The following ERICH2 variants were observed in gnomAD, a reference collection of about 807,000 sequenced individuals.
The protein encoded by ERICH2 is glutamate rich 2, also known as glutamate-rich protein 2.
ERICH2 carries 17 observed loss-of-function variants against 17.4 expected under a neutral mutation model. That is an observed-to-expected ratio of 0.98 (90% CI 0.67 to 1.47). ERICH2 has a LOEUF of 1.47. ERICH2 is among the 40% of genes most tolerant of loss of function. The probability of loss-of-function intolerance (pLI) is 0.00; values close to 1 mark genes in which losing one functional copy is unlikely to be tolerated. For synonymous variants in ERICH2, 51 were observed against 61.1 expected (o/e 0.83, Z 0.77); for missense variants, 186 against 183.2 (o/e 1.01, Z -0.09).
At chr2:170,780,225 G>A (rs914940844), upstream of ERICH2, among the ~76,000 whole-genome samples, 1 of 152,140 alleles carries the variant, frequency 6.6e-6, no homozygotes, top group African/African-American at 2.4e-5. Context: ...ATCTGTTAGA[G>A]TATACTGGTT....
chr2:170,791,915 T>A (rs1367571930), intron 2 of ERICH2, among the ~76,000 whole-genome samples: 1 of 152,120 alleles, frequency 6.6e-6, no homozygotes, highest in Non-Finnish European at 1.5e-5. Flanking sequence ...TGGAAGTATA[T>A]GAGAAGGGTC....
the ERICH2 span, chr2:170,777,373 T>G: frequency 1.8e-6 from 2 of 1,120,144 alleles, no homozygotes; most frequent in Non-Finnish European, 2.2e-6. Flanking sequence ...TGCTTCTATT[T>G]TAGACAGCAA....
the ERICH2 span, among the ~76,000 whole-genome samples, chr2:170,775,425 CTG>C: frequency 6.6e-6 from 1 of 151,898 alleles, no homozygotes; most frequent in Admixed American, 6.6e-5. Flanking sequence ...GAGCGAGACT[CTG>C]TCTCAAAATA....
the ERICH2 span, chr2:170,777,977 C>G: frequency 3.3e-6 from 1 of 306,410 alleles, no homozygotes; most frequent in Non-Finnish European, 5.9e-6. Context: ...TTGCTCATTC[C>G]TATTTCCCTT....
chr2:170,797,738 G>A (rs1182367911), intron 3 of ERICH2, among the ~76,000 whole-genome samples: 2 of 150,392 alleles, frequency 1.3e-5, no homozygotes, highest in Admixed American at 6.7e-5. Flanking sequence ...GCTGCAGTGA[G>A]CCAAGATCAT....
the ERICH2 span, among the ~76,000 whole-genome samples, chr2:170,776,655 G>C: frequency 1.3e-5 from 2 of 152,162 alleles, no homozygotes; most frequent in African/African-American, 4.8e-5. Flanking sequence ...TGAGATTACA[G>C]GCTTGAGCCA....
At chr2:170,779,981 T>G, upstream of ERICH2, 1 of 393,070 alleles carries the variant, frequency 2.5e-6, no homozygotes, top group Non-Finnish European at 3.5e-6. Context: ...CTGAAAGAAT[T>G]ATTTCAGTAG....
At chr2:170,775,209 T>C in the ERICH2 span, among the ~76,000 whole-genome samples, 1 of 151,722 alleles carries the variant, frequency 6.6e-6, no homozygotes, top group Non-Finnish European at 1.5e-5. Flanking sequence ...GGAGGATCGC[T>C]TAAGAGCCAG....
chr2:170,770,680 G>A, the ERICH2 span: 1 of 155,352 alleles, frequency 6.4e-6, no homozygotes, highest in East Asian at 1.9e-4. Context: ...TTAGAATCAG[G>A]TATGGACACC....
chr2:170,796,440 G>GTTGAT (rs1701422271), intron 3 of ERICH2, among the ~76,000 whole-genome samples: 1 of 83,452 alleles, frequency 1.2e-5, no homozygotes, highest in African/African-American at 3.7e-5. Flanking sequence ...TTTTTTTTTT[G>GTTGAT]TTTTTTTTTT....
At chr2:170,798,183 C>A (rs17700577) in intron 4 of ERICH2, 71 bp downstream of exon 9, 21,394 of 1,034,802 alleles carry the variant, frequency 0.021, 704 homozygotes, top group Admixed American at 0.14. Flanking sequence ...CCCATTATCC[C>A]GGGAGATTGT....
upstream of ERICH2, chr2:170,782,202 A>T: frequency 4.6e-6 from 3 of 648,882 alleles, no homozygotes; most frequent in South Asian, 2.1e-4. Flanking sequence ...AAACAGAATT[A>T]TGACCTAAGA....
intron 2 of ERICH2, among the ~76,000 whole-genome samples, chr2:170,791,352 A>T (rs986126358): frequency 1.3e-5 from 2 of 152,122 alleles, no homozygotes; most frequent in African/African-American, 4.8e-5. Context: ...CCTCATGATG[A>T]TGGGTTAGTA....
chr2:170,784,542 C>A, intron 1 of ERICH2, 104 bp from the exon 7 acceptor site: 2 of 552,796 alleles, frequency 3.6e-6, no homozygotes, highest in Non-Finnish European at 3.0e-6. Flanking sequence ...AATTATGTTA[C>A]TTTTATTAAT....
chr2:170,776,667 C>T, the ERICH2 span, among the ~76,000 whole-genome samples: 4 of 152,226 alleles, frequency 2.6e-5, no homozygotes, highest in African/African-American at 9.6e-5. Context: ...CTTGAGCCAC[C>T]GCGCCCGGCC....
At chr2:170,784,551 A>G in intron 1 of ERICH2, 95 bp from the exon 7 acceptor site, 3 of 567,244 alleles carry the variant, frequency 5.3e-6, no homozygotes, top group Non-Finnish European at 5.9e-6. Flanking sequence ...ACTTTTATTA[A>G]TATATCAGTT....
At chr2:170,792,544 G>A (rs1701313950) in intron 2 of ERICH2, among the ~76,000 whole-genome samples, 3 of 152,058 alleles carry the variant, frequency 2.0e-5, no homozygotes, top group Admixed American at 2.0e-4. Flanking sequence ...TGAACCAAAG[G>A]AATATTAAAA....
upstream of ERICH2, among the ~76,000 whole-genome samples, chr2:170,781,244 A>G (rs1303054768): frequency 1.3e-5 from 2 of 152,202 alleles, no homozygotes; most frequent in African/African-American, 2.4e-5. Flanking sequence ...AACAAATAAT[A>G]CTTTACATCT....
At chr2:170,795,993 C>T (rs546336446) in intron 3 of ERICH2, among the ~76,000 whole-genome samples, 2 of 152,250 alleles carry the variant, frequency 1.3e-5, no homozygotes, top group African/African-American at 4.8e-5. Context: ...ATAGTTCCTA[C>T]AAAATCTTCT....
Sources: gnomAD v4.1 joint callset for allele counts (sites outside exome capture counted in the v4.1 genomes callset) on GRCh38, gnomAD v4.1.1 for gene constraint, MANE v1.5 for transcripts, NCBI Gene and HGNC (gene_info 2026-07-23, HGNC 2026-07-21) for gene names.